The following SPTBN2 variants were observed in gnomAD, a reference collection of about 807,000 sequenced individuals.
The protein encoded by SPTBN2 is spectrin beta chain, non-erythrocytic 2.
SPTBN2 carries 107 observed loss-of-function variants against 284.2 expected under a neutral mutation model. The ratio of observed to expected loss-of-function variants is 0.38; its 90% CI spans 0.32 to 0.44. The LOEUF is 0.44. Among genes scored for constraint, SPTBN2 ranks in the 20% least tolerant of loss-of-function variants. The probability of loss-of-function intolerance (pLI) is 1.00; values close to 1 mark genes in which losing one functional copy is unlikely to be tolerated. For missense variants in SPTBN2, 2,569 were observed against 3,287.1 expected, an observed-to-expected ratio of 0.78 and a Z score of 5.34; for synonymous variants, 1,289 against 1,354.8, an observed-to-expected ratio of 0.95 and a Z score of 1.07.
chr11:66,737,215 G>A (rs1023261018), intron 1 of SPTBN2, among the ~76,000 whole-genome samples: 1 of 149,700 alleles, frequency 6.7e-6, no homozygotes. Context: ...AATGTTAAAG[G>A]GGGAGATTAT....
In SPTBN2 at chr11:66,687,899, C is replaced by G. The variant is rs376920607; in HGVS notation, c.6470G>C (p.Arg2157Thr). The G allele has an allele frequency of 6.2e-7, 1 of 1,614,172 alleles. No homozygotes were observed. Among genetic ancestry groups the G allele is most frequent in the East Asian group, 2.2e-5 (1 of 44,882 alleles). ...EPSQPLLGQQ[R>T]LEHSSFPEGP... Reference sequence around the variant, plus strand: ...TTCGGGGAAGCTGCTGTGCTCAAGTCTCTGTTGTCCCAGCAGGGGCTGCAA... The same window carrying G: ...TTCGGGGAAGCTGCTGTGCTCAAGTGTCTGTTGTCCCAGCAGGGGCTGCAA... Residue 2157 changes from arginine to threonine, a missense_variant, in exon 34 of 38, where the codon AGA (arginine) becomes ACA (threonine). Coordinates refer to ENST00000533211, the MANE Select transcript of SPTBN2 (RefSeq NM_006946.4). This position sits in a 1 kb window ranked among gnomAD's most constrained non-coding sequence, Gnocchi z 5.2.
At chr11:66,713,601 C>T (rs1348182217) in intron 8 of SPTBN2, 30 bp downstream of exon 8, 1 of 1,583,320 alleles carries the variant, frequency 6.3e-7, no homozygotes, top group East Asian at 2.2e-5. Flanking sequence ...TCTACCCTAC[C>T]ACCTCTTTTT....
rs4930388 is a variant in SPTBN2 at position 66,704,803 on chromosome 11, T to C, written c.2473A>G (p.Ser825Gly). The C allele has an allele frequency of 1, 1,602,267 of 1,605,840 alleles. 799,413 individuals are homozygous for C. Among genetic ancestry groups the C allele is most frequent in the East Asian group, 1 (44,826 of 44,826 alleles). Residue 825 changes from serine (S) to glycine (G), a missense_variant, in exon 15 of 38, where the codon AGC (serine) becomes GGC (glycine). Ser to Gly is a moderately conservative substitution (Grantham distance 56, BLOSUM62 0). Around this residue, in one of 6 missense-constraint regions of SPTBN2, gnomAD observed 1,012 missense variants for 1,248.9 expected, o/e 0.81. Transcript: ENST00000533211. The part of the protein sequence containing the change: ...PTLSRTPEVQ[S>G]RVPTLERHYE... ...TGCCGCTCCAGGGTGGGCACCCGGCTCTGCACCTCGGGCGTGCGGCTCAGT... is the reference window on the plus strand; with the variant it reads ...TGCCGCTCCAGGGTGGGCACCCGGCCCTGCACCTCGGGCGTGCGGCTCAGT...
At position 66,696,294 on chromosome 11, in the gene SPTBN2, G is replaced by A; in HGVS notation, c.4261C>T (p.Leu1421=). The change falls in exon 21 of 38, where the codon CTG becomes TTG. Residue 1421 remains leucine, a synonymous_variant. Coordinates refer to ENST00000533211, the MANE Select transcript of SPTBN2 (RefSeq NM_006946.4). The stretch of plus-strand genomic sequence containing the variant: ...CAGCACACCTGCTGCTTCTTGAGCA[G>A]GATGTTGACGCTGGTGAGGTCCTTG... ...YGKDLTSVNI[L]LKKQQMLEWE... 6.2e-7 allele frequency: 1 copy of A among 1,612,412 alleles called. No individual in the cohort carries two copies. Among genetic ancestry groups the A allele is most frequent in the South Asian group, 1.1e-5 (1 of 91,076 alleles).
chr11:66,699,652 T>C (rs746047803), intron 17 of SPTBN2, 44 bp from the exon 18 acceptor site: 19 of 1,607,092 alleles, frequency 1.2e-5, no homozygotes, highest in Middle Eastern at 1.8e-4. Flanking sequence ...CCCAGCACAA[T>C]TCACCCCCCT....
At chr11:66,698,156 T>C (rs1025944646) in intron 20 of SPTBN2, among the ~76,000 whole-genome samples, 2 of 152,202 alleles carry the variant, frequency 1.3e-5, no homozygotes, top group Non-Finnish European at 2.9e-5. Flanking sequence ...CACGGGGTAA[T>C]CTGGCCCACT....
chr11:66,727,615 C>T (rs1326437839), intron 1 of SPTBN2, among the ~76,000 whole-genome samples: 1 of 152,080 alleles, frequency 6.6e-6, no homozygotes, highest in Non-Finnish European at 1.5e-5. Context: ...CTGCTTTCTC[C>T]CCGGGCCAGT....
intron 29 of SPTBN2, among the ~76,000 whole-genome samples, 193 bp downstream of exon 29, chr11:66,689,612 G>A (rs1215473787): frequency 1.3e-5 from 2 of 152,202 alleles, no homozygotes; most frequent in Middle Eastern, 6.3e-3. Context: ...CCCAGGACCA[G>A]TGATTTCTGA....
At chr11:66,742,324 C>T (rs1942901161) in intron 1 of SPTBN2, among the ~76,000 whole-genome samples, 1 of 152,130 alleles carries the variant, frequency 6.6e-6, no homozygotes, top group South Asian at 2.1e-4. Flanking sequence ...CTACGGAAGT[C>T]CTGATGGCAA....
chr11:66,714,100 T>C lies in SPTBN2; in HGVS notation c.647A>G (p.His216Arg). 1 of 1,614,108 alleles carries C rather than the reference T, an allele frequency of 6.2e-7. No homozygotes were observed. The highest frequency in any genetic ancestry group is 8.5e-7 in the Non-Finnish European group (1 of 1,179,948). The change falls in exon 7 of 38, where the codon CAT (histidine) becomes CGT (arginine). Residue 216 changes from histidine (H) to arginine (R), a missense_variant. Transcript: ENST00000533211. Reference sequence around the variant, plus strand: ...AACCCCATCTTCTCACCGGTGTTTATGCACGATGGCGTTGAAAGCTAGTCC... The same window carrying C: ...AACCCCATCTTCTCACCGGTGTTTACGCACGATGGCGTTGAAAGCTAGTCC... ...RDGLAFNAIV[H>R]KHRPDLLDFE...
chr11:66,696,527 A>C lies in SPTBN2; in HGVS notation c.4028T>G (p.Leu1343Arg). ...LDKVDKEGRE[L>R]TLEKPELKAL... ...TTTCAGCTCTGGCTTCTCAAGGGTG[A>C]GCTCTCGCCCTTCCTGGAAGGCAGG... Residue 1343 changes from leucine to arginine, a missense_variant, in exon 21 of 38, where the codon CTC becomes CGC. Leu to Arg is a moderately radical substitution (Grantham distance 102). Transcript: ENST00000533211. 6.2e-7 allele frequency: 1 copy of C among 1,611,674 alleles called. No individual in the cohort carries two copies. Among genetic ancestry groups the C allele is most frequent in the Non-Finnish European group, 8.5e-7 (1 of 1,180,032 alleles).
chr11:66,715,122 C>T lies in SPTBN2; in HGVS notation c.483+100G>A, dbSNP rs1332789003. ...GCAGCTGCTACATAAGGTTCTAGATCCTCCATCTTTGTGTTTGTTGTGTCA... is the reference window on the plus strand; with the variant it reads ...GCAGCTGCTACATAAGGTTCTAGATTCTCCATCTTTGTGTTTGTTGTGTCA... On this transcript the variant is annotated intron_variant, in intron 5 of 37. Transcript: ENST00000533211. This position sits in a 1 kb window ranked among gnomAD's most constrained non-coding sequence, Gnocchi z 5.3. 2.0e-6 allele frequency: 3 copies of T among 1,482,166 alleles called. No homozygotes were observed. The highest frequency in any genetic ancestry group is 2.0e-4 in the Middle Eastern group (1 of 4,996). 91.8% of individuals were successfully genotyped at this position (1,482,166 alleles called of 1,614,324 possible).
At position 66,696,453 on chromosome 11, in the gene SPTBN2, G is replaced by A. The variant is rs1353700278; in HGVS notation, c.4102C>T (p.Leu1368=). 6.2e-7 allele frequency: 1 copy of A among 1,612,704 alleles called. No individual in the cohort carries two copies. The highest frequency in any genetic ancestry group is 8.5e-7 in the Non-Finnish European group (1 of 1,180,028). The part of the protein sequence containing the change: ...LRDLHRRWDE[L]ETTTQAKARS... The stretch of plus-strand genomic sequence containing the variant: ...GCCTTGGCTTGGGTGGTGGTCTCCA[G>A]CTCGTCCCAGCGCCTGTGCAGGTCT... The change falls in exon 21 of 38, where the codon CTG becomes TTG. Residue 1368 remains leucine (L), a synonymous_variant. Transcript: ENST00000533211.
chr11:66,732,895 G>A (rs987000863), upstream of SPTBN2, among the ~76,000 whole-genome samples: 1 of 151,104 alleles, frequency 6.6e-6, no homozygotes, highest in African/African-American at 2.4e-5. Flanking sequence ...GAGCCCAGGA[G>A]ACGGAGGCTA....
chr11:66,706,643 T>G (rs1322651675), intron 13 of SPTBN2, among the ~76,000 whole-genome samples: 1 of 151,566 alleles, frequency 6.6e-6, no homozygotes, highest in African/African-American at 2.4e-5. Flanking sequence ...TTTTTTTTTT[T>G]TTTTTTGACT....
Position 66,710,512 on chromosome 11 carries a change from G to T in SPTBN2, c.1073+70C>A. On this transcript the variant is annotated intron_variant, in intron 10 of 37. Transcript: ENST00000533211. The surrounding 1 kb of genome is among the most constrained non-coding windows in gnomAD (Gnocchi z 4.9). ...TACTGCCAAATTTCCCTCCCTGAAG[G>T]CTGTGCTAATTTAGGCTTCCTCTCG... 6.6e-7 allele frequency: 1 copy of T among 1,522,740 alleles called. No individual in the cohort carries two copies. The highest frequency in any genetic ancestry group is 9.0e-7 in the Non-Finnish European group (1 of 1,114,470). The allele number at this position is 1,522,740 out of a possible 1,614,324, so 94.3% of individuals were successfully genotyped here.
In SPTBN2 at chr11:66,700,105, A is replaced by G. The variant is rs910246574; in HGVS notation, c.3573+421T>C. Among the ~76,000 whole-genome samples the G allele has an allele frequency of 1.1e-4, 17 of 151,258 alleles. No individual in the cohort carries two copies. The highest frequency in any genetic ancestry group is 2.1e-4 in the Non-Finnish European group (14 of 67,846). The stretch of plus-strand genomic sequence containing the variant: ...CCAGTAGCTGGAGCTACAGGCATGC[A>G]CCACCATGTCCAGTTAATTTTTTTT... On this transcript the variant is annotated intron_variant, in intron 17 of 37. Coordinates refer to ENST00000533211, the MANE Select transcript of SPTBN2 (RefSeq NM_006946.4). The surrounding 1 kb of genome is among the most constrained non-coding windows in gnomAD (Gnocchi z 6.6).
At position 66,695,882 on chromosome 11, in the gene SPTBN2, G is replaced by A. The variant is rs1213471367; in HGVS notation, c.4278+395C>T. On this transcript the variant is annotated intron_variant, in intron 21 of 37. Transcript: ENST00000533211. The stretch of plus-strand genomic sequence containing the variant: ...CTCCCAAGTAGCTGGGATAACAGGC[G>A]TGCGCCACCACGCCTGGCTAATTTT... Among the ~76,000 whole-genome samples the A allele has an allele frequency of 3.3e-5, 5 of 151,784 alleles. No homozygotes were observed. In the East Asian group the frequency reaches 7.8e-4, roughly 24 times the overall value.
chr11:66,706,820 C>T (rs900126865), intron 13 of SPTBN2, among the ~76,000 whole-genome samples: 2 of 140,946 alleles, frequency 1.4e-5, no homozygotes, highest in African/African-American at 5.3e-5. Flanking sequence ...TTTATAGACA[C>T]GGGGTTTCAC....
Sources: allele counts gnomAD v4.1 joint callset (sites outside exome capture counted in the v4.1 genomes callset), GRCh38; gene constraint gnomAD v4.1.1; regional missense constraint gnomAD v4.1.1; non-coding constraint Gnocchi (gnomAD v3.1); transcripts MANE v1.5; gene names NCBI Gene and HGNC (gene_info 2026-07-23, HGNC 2026-07-21).